Variants in PXDNL observed in about 807,000 individuals in gnomAD.
The protein encoded by PXDNL is peroxidasin like, also known as probable oxidoreductase PXDNL.
In PXDNL, 145 loss-of-function variants were observed where a neutral mutation model predicts 150.8. The ratio of observed to expected loss-of-function variants is 0.96; its 90% CI spans 0.84 to 1.10. The LOEUF is 1.10. PXDNL is among the 50% of genes least tolerant of loss of function. The pLI is 0.00. For synonymous variants in PXDNL, 757 were observed against 725.7 expected, an observed-to-expected ratio of 1.04 and a Z score of -0.69; for missense variants, 2,087 against 1,873.9, an observed-to-expected ratio of 1.11 and a Z score of -2.10.
intron 12 of PXDNL, among the ~76,000 whole-genome samples, chr8:51,440,967 C>T (rs1032819511): frequency 6.6e-6 from 1 of 152,154 alleles, no homozygotes; most frequent in Non-Finnish European, 1.5e-5. Context: ...TTGGGCAGTG[C>T]AGTGCTGAGG....
intron 17 of PXDNL, among the ~76,000 whole-genome samples, chr8:51,381,634 ATTTATTTATT>A (rs1563383900): frequency 4.1e-5 from 1 of 24,566 alleles, no homozygotes; most frequent in Non-Finnish European, 1.6e-4. Context: ...TTATTTATTT[ATTTATTTATT>A]TATTTATTTA....
chr8:51,796,354 A>C (rs1585756696), intron 1 of PXDNL, among the ~76,000 whole-genome samples: 1 of 151,940 alleles, frequency 6.6e-6, no homozygotes, highest in East Asian at 1.9e-4. Context: ...CCAAAAAAAA[A>C]AAAACCTTCA....
intron 4 of PXDNL, among the ~76,000 whole-genome samples, chr8:51,530,305 T>C (rs768998200): frequency 7.9e-5 from 12 of 152,132 alleles, no homozygotes; most frequent in Non-Finnish European, 1.6e-4. Context: ...TCCTTTTTGC[T>C]CACCTTATAA....
At chr8:51,700,387 A>G (rs2080721138) in intron 1 of PXDNL, among the ~76,000 whole-genome samples, 1 of 151,520 alleles carries the variant, frequency 6.6e-6, no homozygotes, top group African/African-American at 2.4e-5. Context: ...AGACACATAC[A>G]CACAGAGATA....
intron 1 of PXDNL, among the ~76,000 whole-genome samples, chr8:51,681,917 C>G (rs537282713): frequency 6.6e-6 from 1 of 152,106 alleles, no homozygotes; most frequent in Non-Finnish European, 1.5e-5. Context: ...ATACAAATGA[C>G]AGCAGATAGG....
At chr8:51,589,655 A>G (rs75085805) in intron 3 of PXDNL, among the ~76,000 whole-genome samples, 3,490 of 152,290 alleles carry the variant, frequency 0.023, 138 homozygotes, top group African/African-American at 0.077. Flanking sequence ...GGAATGAAGA[A>G]CTTAAGGGTG....
At chr8:51,545,453 T>C (rs1237792656) in intron 4 of PXDNL, among the ~76,000 whole-genome samples, 2 of 152,036 alleles carry the variant, frequency 1.3e-5, no homozygotes, top group Admixed American at 1.3e-4. Context: ...GTAGTCATTG[T>C]CTTAGTTTGT....
intron 2 of PXDNL, among the ~76,000 whole-genome samples, chr8:51,625,028 C>T (rs1814336839): frequency 6.6e-6 from 1 of 152,088 alleles, no homozygotes. Context: ...ATGTTCAAGA[C>T]ATATTCCTAA....
intron 12 of PXDNL, among the ~76,000 whole-genome samples, chr8:51,446,575 T>G (rs1437185334): frequency 2.6e-5 from 4 of 152,172 alleles, no homozygotes; most frequent in Non-Finnish European, 5.9e-5. Flanking sequence ...TAAACCTAAG[T>G]ACAGTTGTCA....
intron 1 of PXDNL, among the ~76,000 whole-genome samples, chr8:51,675,804 A>AAAAAAG: frequency 6.6e-6 from 1 of 151,332 alleles, no homozygotes; most frequent in African/African-American, 2.4e-5. Context: ...AAAAAAAAAA[A>AAAAAAG]AAAAAAATTG....
chr8:51,683,164 CATATATATATAT>C (rs71237228), intron 1 of PXDNL, among the ~76,000 whole-genome samples: 2,210 of 44,472 alleles, frequency 0.05, 132 homozygotes, highest in South Asian at 0.16. Flanking sequence ...AATTGTCTTT[CATATATATATAT>C]ATATATATAT....
chr8:51,358,446 G>C (rs977186942), intron 19 of PXDNL, among the ~76,000 whole-genome samples: 1 of 152,120 alleles, frequency 6.6e-6, no homozygotes, highest in Non-Finnish European at 1.5e-5. Flanking sequence ...ACCTTGTGTC[G>C]GTACATTCCT....
Position 51,515,020 on chromosome 8 carries a change from G to A in PXDNL, c.381-15250C>T, listed in dbSNP as rs563644324. Among the ~76,000 whole-genome samples, 6 of 152,288 alleles carry A rather than the reference G, an allele frequency of 3.9e-5. No homozygotes were observed. In the East Asian group the frequency reaches 1.2e-3, roughly 29 times the overall value. ...ACATAGTAAAGAATAAAGAGAATTA[G>A]ACCTAAAGTTACACTAGATGCAAAC... On this transcript the variant is annotated intron_variant, in intron 4 of 22. Transcript: ENST00000356297.
rs562464671 is a variant in PXDNL at position 51,742,275 on chromosome 8, A to G, written c.164+66906T>C. On this transcript the variant is annotated intron_variant, in intron 1 of 22. Coordinates refer to ENST00000356297, the MANE Select transcript of PXDNL (RefSeq NM_144651.5). ...ATGACAGGGACTGTAAAAGGGGGGC[A>G]GGGTCAATCCTTGTGACGAAACTGT... 2.6e-5 allele frequency among the ~76,000 whole-genome samples: 4 copies of G among 152,330 alleles called. No individual in the cohort carries two copies. In the South Asian group the frequency reaches 8.3e-4, roughly 32 times the overall value.
intron 1 of PXDNL, among the ~76,000 whole-genome samples, chr8:51,666,703 C>T (rs539475578): frequency 6.6e-6 from 1 of 152,246 alleles, no homozygotes; most frequent in Non-Finnish European, 1.5e-5. Context: ...TCTGACCCTA[C>T]ACATCCATGC....
chr8:51,414,994 AG>A (rs1808757457), intron 14 of PXDNL, among the ~76,000 whole-genome samples: 2 of 152,206 alleles, frequency 1.3e-5, no homozygotes, highest in Admixed American at 6.5e-5. Flanking sequence ...ATAAATCCTC[AG>A]GCAGACTGAT....
At chr8:51,783,352 A>G (rs2037433093) in intron 1 of PXDNL, among the ~76,000 whole-genome samples, 1 of 152,228 alleles carries the variant, frequency 6.6e-6, no homozygotes, top group Non-Finnish European at 1.5e-5. Flanking sequence ...TGCTGAGTCG[A>G]ATAACACGTA....
At chr8:51,691,460 G>C (rs943214859) in intron 1 of PXDNL, among the ~76,000 whole-genome samples, 4 of 151,334 alleles carry the variant, frequency 2.6e-5, no homozygotes, top group African/African-American at 9.7e-5. Flanking sequence ...TTTCAGGTTT[G>C]TCAAAGATCA....
intron 4 of PXDNL, among the ~76,000 whole-genome samples, chr8:51,537,479 A>T (rs1812104958): frequency 6.6e-6 from 1 of 152,222 alleles, no homozygotes; most frequent in Non-Finnish European, 1.5e-5. Flanking sequence ...TAGCCATTTT[A>T]AAAACTGCAC....
Sources: gnomAD v4.1 joint callset for allele counts (sites outside exome capture counted in the v4.1 genomes callset) on GRCh38, gnomAD v4.1.1 for gene constraint, MANE v1.5 for transcripts, NCBI Gene and HGNC (gene_info 2026-07-23, HGNC 2026-07-21) for gene names.